Variants in CDKN2B-AS1 observed in about 807,000 individuals in gnomAD.
CDKN2B-AS1 encodes CDKN2B and CDKN2A antisense cis and trans regulatory RNA 1.
chr9:22,064,644 A>G (rs1823965817), intron 4 of CDKN2B-AS1, among the ~76,000 whole-genome samples: 2 of 152,166 alleles, frequency 1.3e-5, no homozygotes, highest in South Asian at 2.1e-4. Flanking sequence ...GGTCTGAAGT[A>G]GGATTTGTCC....
intron 1 of CDKN2B-AS1, among the ~76,000 whole-genome samples, chr9:22,043,543 G>C (rs1822986366): frequency 3.3e-5 from 5 of 151,912 alleles, no homozygotes; most frequent in Admixed American, 1.3e-4. Flanking sequence ...AATCTAGCAG[G>C]TGAAAGATTT....
chr9:22,029,709 C>G (rs1587426826), intron 1 of CDKN2B-AS1: 1 of 428,630 alleles, frequency 2.3e-6, no homozygotes, highest in African/African-American at 2.0e-5. Flanking sequence ...ATTTTGATGA[C>G]CTGTTTTCAA....
intron 1 of CDKN2B-AS1, among the ~76,000 whole-genome samples, chr9:22,015,671 G>A (rs913882891): frequency 6.6e-6 from 1 of 151,502 alleles, no homozygotes; most frequent in African/African-American, 2.4e-5. Context: ...AAGTTTTAGG[G>A]TACATGTGCA....
At chr9:22,029,681 T>C (rs775339223) in intron 1 of CDKN2B-AS1, 4 of 467,304 alleles carry the variant, frequency 8.6e-6, no homozygotes, top group Middle Eastern at 3.2e-4. Context: ...AAATTTAATC[T>C]TTACATTATT....
chr9:22,002,130 A>G (rs1319151296), intron 1 of CDKN2B-AS1, among the ~76,000 whole-genome samples: 2 of 152,200 alleles, frequency 1.3e-5, no homozygotes, highest in East Asian at 3.9e-4. Flanking sequence ...GTTTTCATCA[A>G]ATAACTAGAC....
At chr9:22,024,774 G>T (rs1822163050) in intron 1 of CDKN2B-AS1, among the ~76,000 whole-genome samples, 1 of 152,196 alleles carries the variant, frequency 6.6e-6, no homozygotes, top group Non-Finnish European at 1.5e-5. Flanking sequence ...ATGGGCTCAG[G>T]GGAAGTTGCA....
intron 4 of CDKN2B-AS1, among the ~76,000 whole-genome samples, chr9:22,065,968 G>A (rs1208898073): frequency 1.3e-5 from 2 of 152,166 alleles, no homozygotes; most frequent in African/African-American, 4.8e-5. Flanking sequence ...TGTCTCATGA[G>A]CACTCCCTGG....
chr9:21,998,993 T>G (rs1470856242), intron 1 of CDKN2B-AS1, among the ~76,000 whole-genome samples: 1 of 152,126 alleles, frequency 6.6e-6, no homozygotes, highest in Non-Finnish European at 1.5e-5. Context: ...GCAAAGGATA[T>G]AATAGTTTAT....
chr9:22,119,927 T>C (rs1375439219), intron 4 of CDKN2B-AS1: 2 of 152,190 alleles, frequency 1.3e-5, no homozygotes, highest in Non-Finnish European at 2.9e-5. Context: ...TTCAGTGAGG[T>C]GGCATAGAAC....
chr9:22,057,601 G>C (rs938015316), intron 4 of CDKN2B-AS1, among the ~76,000 whole-genome samples: 1 of 152,030 alleles, frequency 6.6e-6, no homozygotes, highest in South Asian at 2.1e-4. Flanking sequence ...TTGAGCTCAG[G>C]AGTTCGAGGC....
rs1381388155 is a variant in CDKN2B-AS1 at position 21,999,340 on chromosome 9, G to A, written n.29+4179G>A. Among the ~76,000 whole-genome samples the A allele has an allele frequency of 6.6e-6, 1 of 151,274 alleles. No homozygotes were observed. The highest frequency in any genetic ancestry group is 1.5e-5 in the Non-Finnish European group (1 of 67,834). ...TATATAGTTCATATGTATGTTATAT[G>A]TTTGTGTATATATCTATATACTTAT... On this transcript the variant is annotated intron_variant and non_coding_transcript_variant, in intron 1 of 4. Coordinates refer to ENST00000650946, the Ensembl canonical transcript of CDKN2B-AS1. This position sits in a 1 kb window ranked among gnomAD's most constrained non-coding sequence, Gnocchi z 4.7.
chr9:22,009,664 T>A (rs922149659), intron 1 of CDKN2B-AS1, among the ~76,000 whole-genome samples: 1 of 152,232 alleles, frequency 6.6e-6, no homozygotes, highest in Non-Finnish European at 1.5e-5. Flanking sequence ...GTGGCTCCCT[T>A]GTGACCGAGA....
chr9:22,104,534 A>G (rs1825593640), intron 4 of CDKN2B-AS1, among the ~76,000 whole-genome samples: 1 of 152,210 alleles, frequency 6.6e-6, no homozygotes, highest in South Asian at 2.1e-4. Context: ...GCATGCAGCC[A>G]GCCACTAAGA....
intron 4 of CDKN2B-AS1, among the ~76,000 whole-genome samples, chr9:22,068,994 G>A (rs1451806252): frequency 6.6e-6 from 1 of 152,186 alleles, no homozygotes; most frequent in African/African-American, 2.4e-5. Flanking sequence ...GATGCCATCA[G>A]AAACTCATTT....
At chr9:22,090,937 T>G (rs9644862) in intron 4 of CDKN2B-AS1, among the ~76,000 whole-genome samples, 93,487 of 150,790 alleles carry the variant, frequency 0.62, 31,009 homozygotes, top group African/African-American at 0.88. Context: ...CTAGGTTTTC[T>G]TCTAGGGTTT....
chr9:22,056,235 T>TATATATA (rs1291865557), intron 3 of CDKN2B-AS1: 1 of 72,900 alleles, frequency 1.4e-5, no homozygotes, highest in Admixed American at 1.8e-4. Context: ...TATATATATA[T>TATATATA]TTTTTTTTTT....
At chr9:22,042,800 CAA>C (rs1822951558) in intron 1 of CDKN2B-AS1, among the ~76,000 whole-genome samples, 1 of 152,094 alleles carries the variant, frequency 6.6e-6, no homozygotes, top group South Asian at 2.1e-4. Flanking sequence ...TGCGTTCCTG[CAA>C]AAGTTTCTTG....
rs1821101498 is a variant in CDKN2B-AS1, at chr9:22,005,114, G to GTGTA, written n.29+9956_29+9957insATGT. On this transcript the variant is annotated intron_variant and non_coding_transcript_variant, in intron 1 of 4. Transcript: ENST00000650946. This position sits in a 1 kb window ranked among gnomAD's most constrained non-coding sequence, Gnocchi z 4.9. ...TAAGGGGATTTCCGCATCCTAGCAT[G>GTGTA]TGTGTGTGTGTGTGTGTGTGTGTGT... 5.8e-6 allele frequency: 1 copy of GTGTA among 172,300 alleles called. No homozygotes were observed. Among genetic ancestry groups the GTGTA allele is most frequent in the Non-Finnish European group, 1.2e-5 (1 of 83,054 alleles). 10.7% of individuals were successfully genotyped at this position (172,300 alleles called of 1,614,324 possible).
At chr9:22,112,265 C>T (rs1028228225) in intron 4 of CDKN2B-AS1, 1 of 152,280 alleles carries the variant, frequency 6.6e-6, no homozygotes, top group Non-Finnish European at 1.5e-5. Context: ...GGATCTCTCT[C>T]CAACTCTTGC....
Sources: gnomAD v4.1 joint callset for allele counts (sites outside exome capture counted in the v4.1 genomes callset) on GRCh38, gnomAD v4.1.1 for gene constraint, Gnocchi (gnomAD v3.1) non-coding constraint, MANE v1.5 for transcripts, NCBI Gene and HGNC (gene_info 2026-07-23, HGNC 2026-07-21) for gene names.